The following ENPEP variants were observed in gnomAD, a reference collection of about 807,000 sequenced individuals.
The protein encoded by ENPEP is glutamyl aminopeptidase.
Under a neutral mutation model 114.5 loss-of-function variants are expected in ENPEP, and 103 were observed. The ratio of observed to expected loss-of-function variants is 0.90; its 90% CI spans 0.77 to 1.06. ENPEP has a LOEUF of 1.06. Among genes scored for constraint, ENPEP ranks in the 50% least tolerant of loss-of-function variants. ENPEP has a pLI of 0.00. For missense variants in ENPEP, 1,196 were observed against 1,161.3 expected, an observed-to-expected ratio of 1.03 and a Z score of -0.43; for synonymous variants, 420 against 422.0, an observed-to-expected ratio of 1.00 and a Z score of 0.06.
chr4:110,564,052 G>A lies in ENPEP; in HGVS notation c.*2494G>A, dbSNP rs1727756646. 1 of 151,798 alleles carries A rather than the reference G, an allele frequency of 6.6e-6. No individual in the cohort carries two copies. The highest frequency in any genetic ancestry group is 1.5e-5 in the Non-Finnish European group (1 of 67,936). 9.4% of individuals were successfully genotyped at this position (151,798 alleles called of 1,614,324 possible). On this transcript the variant is annotated 3_prime_UTR_variant, in exon 20 of 20. Transcript: ENST00000265162. ...AGAAAAGAGGGGATTCAAATTACCAGTGGTGCTTTCTAAAACACGGTTAGG... is the reference window on the plus strand; with the variant it reads ...AGAAAAGAGGGGATTCAAATTACCAATGGTGCTTTCTAAAACACGGTTAGG...
chr4:110,542,423 G>A (rs1726883678), intron 11 of ENPEP, among the ~76,000 whole-genome samples: 1 of 151,968 alleles, frequency 6.6e-6, no homozygotes, highest in South Asian at 2.1e-4. Flanking sequence ...TCTCTGTCTC[G>A]AGGCACTGTT....
intron 13 of ENPEP, among the ~76,000 whole-genome samples, chr4:110,545,535 T>A (rs1327423174): frequency 6.6e-6 from 1 of 151,992 alleles, no homozygotes; most frequent in Admixed American, 6.6e-5. Context: ...TGCTTGGAAC[T>A]TCTATGTCTC....
At chr4:110,532,630 C>A (rs548461907) in intron 11 of ENPEP, among the ~76,000 whole-genome samples, 2 of 151,844 alleles carry the variant, frequency 1.3e-5, no homozygotes, top group South Asian at 4.2e-4. Context: ...TAAAAAAAAA[C>A]GTTTATTGTT....
chr4:110,514,132 G>A (rs1725676883), intron 7 of ENPEP, among the ~76,000 whole-genome samples: 1 of 151,996 alleles, frequency 6.6e-6, no homozygotes, highest in African/African-American at 2.4e-5. Context: ...ATTTCATATA[G>A]TCTCTCCTTC....
At position 110,491,193 on chromosome 4, in the gene ENPEP, C is replaced by A. The variant is rs748111687; in HGVS notation, c.918+29C>A. The A allele has an allele frequency of 3.8e-6, 6 of 1,565,072 alleles. No homozygotes were observed. In the East Asian group the frequency reaches 1.1e-4, roughly 30 times the overall value. The stretch of plus-strand genomic sequence containing the variant: ...AGTCTCATTATATTTTAAAAATTTA[C>A]CACCTATGCATTTGTAATTAATTAT... On this transcript the variant is annotated intron_variant, in intron 3 of 19. Coordinates refer to ENST00000265162, the MANE Select transcript of ENPEP (RefSeq NM_001977.4).
chr4:110,529,183 A>G (rs1578409482), intron 10 of ENPEP, among the ~76,000 whole-genome samples: 1 of 152,204 alleles, frequency 6.6e-6, no homozygotes, highest in Non-Finnish European at 1.5e-5. Context: ...CTGTGGGCCT[A>G]GGTCATCCAG....
intron 11 of ENPEP, among the ~76,000 whole-genome samples, chr4:110,537,066 C>T (rs1726663294): frequency 1.3e-5 from 2 of 152,148 alleles, no homozygotes. Flanking sequence ...TCATCTAAGT[C>T]TTCAGCGAGT....
At chr4:110,560,443 GTCTT>G (rs1560573092) in intron 19 of ENPEP, among the ~76,000 whole-genome samples, 1 of 152,162 alleles carries the variant, frequency 6.6e-6, no homozygotes, top group African/African-American at 2.4e-5. Context: ...TGTAAAACAT[GTCTT>G]TATTTATCTT....
chr4:110,527,258 G>T (rs546872961), intron 10 of ENPEP, among the ~76,000 whole-genome samples: 4 of 152,180 alleles, frequency 2.6e-5, no homozygotes, highest in African/African-American at 9.7e-5. Flanking sequence ...TGAGAAAGCC[G>T]TTGTACTCAA....
At chr4:110,535,490 G>T (rs1275500087) in intron 11 of ENPEP, among the ~76,000 whole-genome samples, 1 of 152,204 alleles carries the variant, frequency 6.6e-6, no homozygotes, top group Non-Finnish European at 1.5e-5. Context: ...TATGGGTTCA[G>T]TTTTGCTGGT....
intron 3 of ENPEP, among the ~76,000 whole-genome samples, chr4:110,499,478 T>A (rs1725070045): frequency 6.6e-6 from 1 of 152,178 alleles, no homozygotes; most frequent in South Asian, 2.1e-4. Context: ...TATTTTCAAA[T>A]CACCTTCAAA....
At chr4:110,543,152 G>C in intron 13 of ENPEP, 82 bp downstream of exon 13, 1 of 1,262,090 alleles carries the variant, frequency 7.9e-7, no homozygotes, top group Non-Finnish European at 1.1e-6. Context: ...AAACATTGCA[G>C]TATTAATCAA....
At chr4:110,499,172 C>A (rs367771164) in intron 3 of ENPEP, among the ~76,000 whole-genome samples, 2 of 152,190 alleles carry the variant, frequency 1.3e-5, no homozygotes, top group South Asian at 2.1e-4. Flanking sequence ...GAAGTACGCA[C>A]ACAGAAAATT....
chr4:110,565,110 C>T lies in ENPEP; in HGVS notation c.*3552C>T, dbSNP rs903091557. The stretch of plus-strand genomic sequence containing the variant: ...GTTCTTTCTCCTCCTCCTTCCTCTA[C>T]TTCAGGGTTTAGCGACCTTTTGCCT... On this transcript the variant is annotated 3_prime_UTR_variant, in exon 20 of 20. Coordinates refer to ENST00000265162, the MANE Select transcript of ENPEP (RefSeq NM_001977.4). 1 of 152,180 alleles carries T rather than the reference C, an allele frequency of 6.6e-6. No homozygotes were observed. Among genetic ancestry groups the T allele is most frequent in the Non-Finnish European group, 1.5e-5 (1 of 68,036 alleles). 9.4% of individuals were successfully genotyped at this position (152,180 alleles called of 1,614,324 possible). A position where few individuals can be genotyped will look rare whatever the true frequency, so the allele number is the denominator to read the frequency against.
At chr4:110,541,692 C>T (rs553010790) in intron 11 of ENPEP, among the ~76,000 whole-genome samples, 1 of 152,210 alleles carries the variant, frequency 6.6e-6, no homozygotes, top group Non-Finnish European at 1.5e-5. Flanking sequence ...TGGCATGTGG[C>T]TCTTCATACT....
chr4:110,548,717 G>C (rs935628042), intron 14 of ENPEP, among the ~76,000 whole-genome samples: 2 of 151,762 alleles, frequency 1.3e-5, no homozygotes, highest in African/African-American at 4.8e-5. Flanking sequence ...CTTACTGCTG[G>C]TATTTCCACA....
At chr4:110,509,832 G>A (rs1482943476) in intron 5 of ENPEP, 25 bp downstream of exon 5, 1 of 1,596,468 alleles carries the variant, frequency 6.3e-7, no homozygotes, top group East Asian at 2.2e-5. Context: ...CACTGAATCA[G>A]CTTGTTTTTT....
intron 3 of ENPEP, among the ~76,000 whole-genome samples, chr4:110,504,301 C>T (rs1215189920): frequency 3.3e-5 from 5 of 152,164 alleles, no homozygotes; most frequent in African/African-American, 1.2e-4. Flanking sequence ...GACAAACTGG[C>T]TTCTTTTCCT....
chr4:110,485,089 A>G (rs1327107979), intron 1 of ENPEP, among the ~76,000 whole-genome samples: 2 of 152,226 alleles, frequency 1.3e-5, no homozygotes, highest in Non-Finnish European at 2.9e-5. Flanking sequence ...AGCTGACTAA[A>G]CATGGGGTTG....
Sources: allele counts gnomAD v4.1 joint callset (sites outside exome capture counted in the v4.1 genomes callset), GRCh38; gene constraint gnomAD v4.1.1; transcripts MANE v1.5; gene names NCBI Gene and HGNC (gene_info 2026-07-23, HGNC 2026-07-21).